The following SEC24B variants were observed in gnomAD, a reference collection of about 807,000 sequenced individuals.
SEC24B encodes SEC24 homolog B, COPII component, also known as protein transport protein Sec24B.
A neutral mutation model predicts 142.8 loss-of-function variants in SEC24B; 45 were observed. That is an observed-to-expected ratio of 0.32 (90% CI 0.25 to 0.40). The LOEUF (loss-of-function observed/expected upper bound fraction) is 0.40, where lower values mean the gene tolerates loss of function less well. SEC24B is among the 10% of genes least tolerant of loss of function. The probability of loss-of-function intolerance (pLI) is 1.00; values close to 1 mark genes in which losing one functional copy is unlikely to be tolerated. For synonymous variants in SEC24B, 574 were observed against 568.2 expected (o/e 1.01, Z -0.15); for missense variants, 1,409 against 1,526.8 (o/e 0.92, Z 1.29).
intron 6 of SEC24B, among the ~76,000 whole-genome samples, chr4:109,504,685 G>T (rs1460536138): frequency 6.6e-6 from 1 of 152,078 alleles, no homozygotes; most frequent in African/African-American, 2.4e-5. Context: ...GGCTTGATTA[G>T]TGCCTCATAC....
chr4:109,453,556 G>C (rs1730352269), intron 1 of SEC24B, among the ~76,000 whole-genome samples: 1 of 149,560 alleles, frequency 6.7e-6, no homozygotes, highest in African/African-American at 2.5e-5. Context: ...GGCTCTGCCT[G>C]CCTGGCCCAC....
At chr4:109,441,962 A>G (rs1728969579) in intron 1 of SEC24B, among the ~76,000 whole-genome samples, 2 of 152,206 alleles carry the variant, frequency 1.3e-5, no homozygotes. Context: ...GAGCTTGGGA[A>G]GAAGCTCTAT....
chr4:109,449,878 G>A (rs1729882233), intron 1 of SEC24B, among the ~76,000 whole-genome samples: 1 of 152,056 alleles, frequency 6.6e-6, no homozygotes, highest in South Asian at 2.1e-4. Flanking sequence ...CCTTTTCATG[G>A]TCTGTTTATT....
At chr4:109,513,931 C>G in intron 10 of SEC24B, 75 bp downstream of exon 10, 1 of 941,152 alleles carries the variant, frequency 1.1e-6, no homozygotes, top group Non-Finnish European at 1.7e-6. Flanking sequence ...TAAGTGAACT[C>G]TTATCGAGAT....
At chr4:109,502,018 G>T (rs1736208906) in intron 6 of SEC24B, among the ~76,000 whole-genome samples, 1 of 152,228 alleles carries the variant, frequency 6.6e-6, no homozygotes, top group South Asian at 2.1e-4. Context: ...AGTTTCTGGG[G>T]TGAAAATGTG....
intron 1 of SEC24B, among the ~76,000 whole-genome samples, chr4:109,437,728 G>T: frequency 6.6e-6 from 1 of 152,258 alleles, no homozygotes; most frequent in South Asian, 2.1e-4. Flanking sequence ...GGGTTCAAGC[G>T]ATTCTCCTGC....
intron 4 of SEC24B, among the ~76,000 whole-genome samples, chr4:109,489,976 T>G (rs1734842665): frequency 6.6e-6 from 1 of 152,044 alleles, no homozygotes; most frequent in African/African-American, 2.4e-5. Flanking sequence ...TGTGCAAAAT[T>G]GTTCTACTTA....
intron 5 of SEC24B, among the ~76,000 whole-genome samples, chr4:109,492,152 T>TAAA: frequency 7.0e-6 from 1 of 142,184 alleles, no homozygotes; most frequent in Admixed American, 7.1e-5. Context: ...GTTCTATACT[T>TAAA]AAAAAAAAAA....
rs11933126 is a variant in SEC24B, at chr4:109,519,344, A to G, written c.2127-1022A>G. On this transcript the variant is annotated intron_variant, in intron 11 of 23. Coordinates refer to ENST00000265175, the MANE Select transcript of SEC24B (RefSeq NM_006323.5). The stretch of plus-strand genomic sequence containing the variant: ...GCAAAACCAAAAGTGTAAAACTGGG[A>G]ATGGAAAATGTTTTAAAAATATTTC... 5.4e-3 allele frequency among the ~76,000 whole-genome samples: 820 copies of G among 152,340 alleles called. 13 individuals are homozygous for G. Among genetic ancestry groups the G allele is most frequent in the African/African-American group, 0.018 (756 of 41,570 alleles).
In SEC24B at chr4:109,520,444, A is replaced by C. The variant is rs775299192; in HGVS notation, c.2205A>C (p.Gly735=). 1.9e-6 allele frequency: 3 copies of C among 1,610,662 alleles called. No individual in the cohort carries two copies. In the South Asian group the frequency reaches 3.3e-5, roughly 18 times the overall value. The change falls in exon 12 of 24, where the codon GGA becomes GGC. Residue 735 remains glycine, a synonymous_variant. Coordinates refer to ENST00000265175, the MANE Select transcript of SEC24B (RefSeq NM_006323.5). ...STIHFYNLQE[G]LSQPQMLIVS... Reference sequence around the variant, plus strand: ...TTCATTTCTACAATTTACAAGAAGGATTATCACAGCCTCAAATGTTGATTG... The same window carrying C: ...TTCATTTCTACAATTTACAAGAAGGCTTATCACAGCCTCAAATGTTGATTG...
chr4:109,461,402 G>A (rs1320761908), intron 1 of SEC24B, among the ~76,000 whole-genome samples: 8 of 152,162 alleles, frequency 5.3e-5, no homozygotes, highest in Non-Finnish European at 1.5e-5. Context: ...CATCATAAAA[G>A]TTGACCTCAT....
intron 2 of SEC24B, among the ~76,000 whole-genome samples, chr4:109,470,459 T>C (rs565322082): frequency 1.3e-5 from 2 of 152,334 alleles, no homozygotes; most frequent in Admixed American, 1.3e-4. Context: ...GCAAATGATT[T>C]TTGTTTGAGA....
intron 1 of SEC24B, among the ~76,000 whole-genome samples, chr4:109,440,843 G>C (rs1303650826): frequency 1.3e-5 from 2 of 152,116 alleles, no homozygotes; most frequent in African/African-American, 2.4e-5. Flanking sequence ...TATTGCTTTT[G>C]AAGACTGGCC....
intron 2 of SEC24B, among the ~76,000 whole-genome samples, chr4:109,470,659 A>G (rs1469124514): frequency 6.6e-6 from 1 of 152,244 alleles, no homozygotes; most frequent in African/African-American, 2.4e-5. Context: ...ATGAGTATTC[A>G]TAGTTGCACT....
chr4:109,518,973 A>G (rs1401325541), intron 11 of SEC24B, among the ~76,000 whole-genome samples: 1 of 151,842 alleles, frequency 6.6e-6, no homozygotes, highest in African/African-American at 2.4e-5. Context: ...CACTCGGCTA[A>G]TTTTTGTATA....
At chr4:109,468,446 A>G (rs769378452) in intron 2 of SEC24B, among the ~76,000 whole-genome samples, 2 of 152,214 alleles carry the variant, frequency 1.3e-5, no homozygotes, top group African/African-American at 2.4e-5. Flanking sequence ...TATCAGCCTC[A>G]ATTTCTGCTG....
intron 20 of SEC24B, among the ~76,000 whole-genome samples, chr4:109,532,200 A>G (rs1725004368): frequency 6.6e-6 from 1 of 152,224 alleles, no homozygotes; most frequent in Admixed American, 6.6e-5. Context: ...TTTTGATTAT[A>G]TAGTAAACCA....
intron 1 of SEC24B, among the ~76,000 whole-genome samples, chr4:109,448,718 G>T (rs1364800230): frequency 6.6e-6 from 1 of 152,028 alleles, no homozygotes; most frequent in Non-Finnish European, 1.5e-5. Context: ...CAGGCATGAG[G>T]CACTGTGCCC....
intron 2 of SEC24B, among the ~76,000 whole-genome samples, chr4:109,465,639 A>G (rs948974479): frequency 9.2e-5 from 14 of 152,338 alleles, no homozygotes; most frequent in South Asian, 2.1e-4. Flanking sequence ...AGGAAATACA[A>G]GTAATTCCTA....
Sources: allele counts gnomAD v4.1 joint callset (sites outside exome capture counted in the v4.1 genomes callset), GRCh38; gene constraint gnomAD v4.1.1; transcripts MANE v1.5; gene names NCBI Gene and HGNC (gene_info 2026-07-23, HGNC 2026-07-21).